The following LARP1B variants were observed in gnomAD, a reference collection of about 807,000 sequenced individuals.
The protein encoded by LARP1B is la-related protein 1B.
Under a neutral mutation model 114.2 loss-of-function variants are expected in LARP1B, and 76 were observed. That is an observed-to-expected ratio of 0.67 (90% CI 0.55 to 0.81). The LOEUF (loss-of-function observed/expected upper bound fraction) is 0.81, where lower values mean the gene tolerates loss of function less well. Ranked by LOEUF, LARP1B falls within the 30% of genes least tolerant of loss-of-function variation. LARP1B has a pLI of 0.00. For missense variants in LARP1B, 1,014 were observed against 1,075.8 expected (o/e 0.94, Z 0.80); for synonymous variants, 345 against 348.0 (o/e 0.99, Z 0.10).
intron 9 of LARP1B, chr4:128,108,599 G>A (rs1290380208): frequency 1.0e-6 from 1 of 985,270 alleles, no homozygotes; most frequent in Non-Finnish European, 1.2e-6. Context: ...ATCCCAGTAA[G>A]CAACTTGGAC....
intron 15 of LARP1B, among the ~76,000 whole-genome samples, chr4:128,191,561 G>A (rs1292058034): frequency 1.3e-5 from 2 of 152,050 alleles, no homozygotes; most frequent in Non-Finnish European, 2.9e-5. Context: ...GTGGCAAAGG[G>A]GATTACCCCA....
chr4:128,170,141 GAT>G (rs917003561), intron 12 of LARP1B, among the ~76,000 whole-genome samples: 1 of 151,936 alleles, frequency 6.6e-6, no homozygotes, highest in Non-Finnish European at 1.5e-5. Context: ...TAATCTTATT[GAT>G]ATATAGTTTA....
chr4:128,216,925 A>C (rs1483044615), downstream of LARP1B, among the ~76,000 whole-genome samples: 2 of 152,302 alleles, frequency 1.3e-5, no homozygotes, highest in African/African-American at 4.8e-5. Flanking sequence ...AAAAGAGAAG[A>C]ATCAAATAGA....
chr4:128,194,535 T>C (rs1225800665), intron 15 of LARP1B, among the ~76,000 whole-genome samples: 1 of 151,574 alleles, frequency 6.6e-6, no homozygotes, highest in Non-Finnish European at 1.5e-5. Flanking sequence ...ACACAAAAAT[T>C]AGCCGGGCAT....
Position 128,082,365 on chromosome 4 carries a change from T to G in LARP1B, c.358+60T>G, listed in dbSNP as rs935390705. 6.1e-6 allele frequency: 9 copies of G among 1,472,324 alleles called. No homozygotes were observed. The East Asian group carries it at 6.8e-5, about 11-fold the overall frequency. 91.2% of individuals were successfully genotyped at this position (1,472,324 alleles called of 1,614,324 possible). A position where few individuals can be genotyped will look rare whatever the true frequency, so the allele number is the denominator to read the frequency against. On this transcript the variant is annotated intron_variant, in intron 5 of 19. Coordinates refer to ENST00000326639, the MANE Select transcript of LARP1B (RefSeq NM_018078.4). ...AAAGACTTAGTCTTAATGCTCGTTA[T>G]TTTAGTAACCACATGTATAAACCAT... is the stretch of plus-strand genomic sequence containing the variant.
intron 9 of LARP1B, among the ~76,000 whole-genome samples, chr4:128,113,183 T>C (rs1322357104): frequency 6.6e-6 from 1 of 152,192 alleles, no homozygotes; most frequent in Non-Finnish European, 1.5e-5. Context: ...TACAACATAA[T>C]GTTACAGAGT....
rs532115562 is a variant in LARP1B at position 128,163,876 on chromosome 4, T to C, written c.1648+1559T>C. 2.0e-5 allele frequency among the ~76,000 whole-genome samples: 3 copies of C among 152,298 alleles called. No individual in the cohort carries two copies. In the East Asian group the frequency reaches 5.8e-4, roughly 29 times the overall value. ...AATAATGGAGTTGGACTGTTAACTT[T>C]AATGTTTCCCACCCCACAGAAGGTT... On this transcript the variant is annotated intron_variant, in intron 12 of 19. Transcript: ENST00000326639.
At chr4:128,086,318 A>G (rs1773537029) in intron 5 of LARP1B, among the ~76,000 whole-genome samples, 1 of 151,224 alleles carries the variant, frequency 6.6e-6, no homozygotes, top group Admixed American at 6.6e-5. Context: ...TTGTCATAGT[A>G]TTCTTTGGCA....
chr4:128,141,239 A>G (rs897437464), intron 11 of LARP1B, among the ~76,000 whole-genome samples: 1 of 152,146 alleles, frequency 6.6e-6, no homozygotes, highest in African/African-American at 2.4e-5. Flanking sequence ...CGTCCATTCC[A>G]AAAATGTGCT....
intron 1 of LARP1B, chr4:128,069,739 C>T (rs570697158): frequency 1.1e-5 from 3 of 283,386 alleles, no homozygotes; most frequent in Non-Finnish European, 2.0e-5. Flanking sequence ...CATCAGCATT[C>T]TAGTATAATT....
chr4:128,083,745 G>T (rs1298936843), intron 5 of LARP1B, among the ~76,000 whole-genome samples: 3 of 150,340 alleles, frequency 2.0e-5, no homozygotes, highest in African/African-American at 7.4e-5. Flanking sequence ...CAGTAGGGGC[G>T]GCTGGGCAGA....
intron 11 of LARP1B, among the ~76,000 whole-genome samples, chr4:128,156,876 A>C (rs1404813024): frequency 6.6e-6 from 1 of 151,340 alleles, no homozygotes; most frequent in Non-Finnish European, 1.5e-5. Context: ...AAAAAAAAAA[A>C]AAAAAAAAAA....
chr4:128,107,715 A>T, intron 9 of LARP1B: 1 of 1,452,826 alleles, frequency 6.9e-7, no homozygotes, highest in Non-Finnish European at 9.0e-7. Flanking sequence ...ATACGCTTTA[A>T]TCTTGTCTTG....
At chr4:128,144,582 ACATCAGCCTCC>A (rs1367426855) in intron 11 of LARP1B, among the ~76,000 whole-genome samples, 1 of 151,954 alleles carries the variant, frequency 6.6e-6, no homozygotes, top group Non-Finnish European at 1.5e-5. Flanking sequence ...TGATCTTCCC[ACATCAGCCTCC>A]TGAGTAGCTG....
At chr4:128,186,478 C>A (rs935996805) in intron 15 of LARP1B, among the ~76,000 whole-genome samples, 2 of 151,832 alleles carry the variant, frequency 1.3e-5, no homozygotes, top group Non-Finnish European at 2.9e-5. Flanking sequence ...ATAAATGCTA[C>A]TGTTTTTTTG....
At chr4:128,172,975 G>A (rs139810869) in intron 12 of LARP1B, among the ~76,000 whole-genome samples, 1,698 of 151,584 alleles carry the variant, frequency 0.011, 17 homozygotes, top group Non-Finnish European at 0.018. Flanking sequence ...GTGTGTGTAT[G>A]TGTATGTTTT....
At chr4:128,176,223 T>A (rs1475153738) in intron 12 of LARP1B, among the ~76,000 whole-genome samples, 4 of 143,580 alleles carry the variant, frequency 2.8e-5, no homozygotes, top group Admixed American at 7.1e-5. Context: ...ATATATAAAT[T>A]TATATATACA....
chr4:128,067,047 A>T (rs1261605564), intron 1 of LARP1B, among the ~76,000 whole-genome samples: 4 of 151,754 alleles, frequency 2.6e-5, no homozygotes, highest in African/African-American at 9.7e-5. Context: ...ACCTCAGTTG[A>T]TGCGCCCGCT....
At chr4:128,069,435 C>T (rs780881149) in intron 1 of LARP1B, 104 of 760,112 alleles carry the variant, frequency 1.4e-4, no homozygotes, top group Non-Finnish European at 2.1e-4. Context: ...ATGGCGAACA[C>T]GAATCCTATA....
Sources: allele counts gnomAD v4.1 joint callset (sites outside exome capture counted in the v4.1 genomes callset), GRCh38; gene constraint gnomAD v4.1.1; transcripts MANE v1.5; gene names NCBI Gene and HGNC (gene_info 2026-07-23, HGNC 2026-07-21).